The following SEMA4A variants were observed in gnomAD, a reference collection of about 807,000 sequenced individuals.
SEMA4A encodes semaphorin 4A, also known as semaphorin-4A.
In SEMA4A, 52 loss-of-function variants were observed where a neutral mutation model predicts 72.5. The ratio of observed to expected loss-of-function variants is 0.72; its 90% CI spans 0.57 to 0.90. The LOEUF (loss-of-function observed/expected upper bound fraction) is 0.90. SEMA4A is among the 40% of genes least tolerant of loss of function. SEMA4A has a pLI of 0.00. For missense variants in SEMA4A, 926 were observed against 959.7 expected, an observed-to-expected ratio of 0.96 and a Z score of 0.46; for synonymous variants, 369 against 393.1, an observed-to-expected ratio of 0.94 and a Z score of 0.73.
In SEMA4A at chr1:156,167,489, A is replaced by G. The variant is rs1233795846; in HGVS notation, c.1134+4395A>G. On this transcript the variant is annotated intron_variant, in intron 10 of 14. Transcript: ENST00000368285. ...AGACCCTGTCTCAAAAAAAAAAAAA[A>G]AAAAAAGAAAGAAAAGAAAAGAAAA... 2.0e-5 allele frequency among the ~76,000 whole-genome samples: 3 copies of G among 151,760 alleles called. No individual in the cohort carries two copies. In the East Asian group the frequency reaches 5.8e-4, roughly 29 times the overall value.
rs34840198 is a variant in SEMA4A at position 156,159,031 on chromosome 1, C to CAAAAAAAAAAAAAAAA, written c.568+209_568+224dup. On this transcript the variant is annotated intron_variant, in intron 6 of 14. Transcript: ENST00000368285. ...CCTGGGCAACACAGCGAGATCGTCTCAAAAAAAAAAAAAAAAAGCCTCAGT... is the reference window on the plus strand; with the variant it reads ...CCTGGGCAACACAGCGAGATCGTCTCAAAAAAAAAAAAAAAAAAAAAAAAAAAAAAAAAGCCTCAGT... The CAAAAAAAAAAAAAAAA allele has an allele frequency of 7.5e-6, 2 of 267,524 alleles. 1 individual carries two copies. The highest frequency in any genetic ancestry group is 6.8e-5 in the African/African-American group (2 of 29,356). 16.6% of individuals were successfully genotyped at this position (267,524 alleles called of 1,614,324 possible). A position where few individuals can be genotyped will look rare whatever the true frequency, so the allele number is the denominator to read the frequency against.
In SEMA4A at chr1:156,176,384, GC is replaced by G. The variant is rs1558165107; in HGVS notation, c.1694-20del. On this transcript the variant is annotated intron_variant, in intron 14 of 14. Transcript: ENST00000368285. ...CCTTCACTTCTCCCTTAACCCTTTT[GC>G]TCCTTTCTTTCTCCTACAGTTAAAG... The G allele has an allele frequency of 6.4e-7, 1 of 1,561,954 alleles. No individual in the cohort carries two copies. The highest frequency in any genetic ancestry group is 8.8e-7 in the Non-Finnish European group (1 of 1,133,554).
Position 156,156,481 on chromosome 1 carries a change from G to T in SEMA4A, c.207G>T (p.Leu69=). Reference sequence around the variant, plus strand: ...TCCAGGATTTTGACACTCTGCTCCTGAGTGGTGATGGAAATACTCTCTACG... The same window carrying T: ...TCCAGGATTTTGACACTCTGCTCCTTAGTGGTGATGGAAATACTCTCTACG... ...KGLQDFDTLL[L]SGDGNTLYVG... The change falls in exon 3 of 15, where the codon CTG becomes CTT. Residue 69 remains leucine, a synonymous_variant. Transcript: ENST00000368285. 1 of 1,614,146 alleles carries T rather than the reference G, an allele frequency of 6.2e-7. No homozygotes were observed. Among genetic ancestry groups the T allele is most frequent in the Non-Finnish European group, 8.5e-7 (1 of 1,180,014 alleles).
upstream of SEMA4A, among the ~76,000 whole-genome samples, chr1:156,152,336 A>T (rs1405996798): frequency 6.6e-6 from 1 of 152,196 alleles, no homozygotes; most frequent in East Asian, 1.9e-4. Context: ...GGAATAGGAC[A>T]TCAGGCTGGG....
In SEMA4A at chr1:156,161,037, G is replaced by A. The variant is rs1653564681; in HGVS notation, c.810+8G>A. The A allele has an allele frequency of 8.5e-6, 12 of 1,414,688 alleles. No homozygotes were observed. The highest frequency in any genetic ancestry group is 1.2e-5 in the Non-Finnish European group (12 of 1,021,920). 87.6% of individuals were successfully genotyped at this position (1,414,688 alleles called of 1,614,324 possible). A position where few individuals can be genotyped will look rare whatever the true frequency, so the allele number is the denominator to read the frequency against. ...GTGGCTAGAGTCTGCAAGGTCCGCGGCCTGGGCGGGGGGCGGGGCTAACTG... is the reference window on the plus strand; with the variant it reads ...GTGGCTAGAGTCTGCAAGGTCCGCGACCTGGGCGGGGGGCGGGGCTAACTG... On this transcript the variant is annotated splice_region_variant and intron_variant, in intron 8 of 14. Transcript: ENST00000368285.
rs756847201 is a variant in SEMA4A, at chr1:156,176,683, C to T, written c.1972C>T (p.Arg658Trp). 1.1e-5 allele frequency: 18 copies of T among 1,614,036 alleles called. No individual in the cohort carries two copies. Among genetic ancestry groups the T allele is most frequent in the African/African-American group, 1.1e-4 (8 of 74,932 alleles). ...ALDPELAGIP[R>W]EHVKVPLTRV... ...GGATCCTGAACTGGCAGGCATCCCC[C>T]GGGAGCATGTGAAGGTCCCGTTGAC... The change falls in exon 15 of 15, where the codon CGG becomes TGG. Residue 658 changes from arginine (R) to tryptophan (W), a missense_variant. By Grantham distance (101) the Arg-to-Trp change is moderately radical (BLOSUM62 -3). Transcript: ENST00000368285.
chr1:156,160,404 C>T (rs1418100115), intron 6 of SEMA4A, 39 bp from the exon 7 acceptor site: 1 of 1,494,506 alleles, frequency 6.7e-7, no homozygotes, highest in South Asian at 1.1e-5. Context: ...AGGAACCCTC[C>T]ACCCCATCAG....
rs1653553978 is a variant in SEMA4A, at chr1:156,160,985, T to C, written c.766T>C (p.Phe256Leu). The change falls in exon 8 of 15, where the codon TTC (phenylalanine) becomes CTC (leucine). Residue 256 changes from phenylalanine (F) to leucine (L), a missense_variant. Phe to Leu is a conservative substitution (Grantham distance 22). Transcript: ENST00000368285. ...CGAGGAGACAGCCAGCGAGTTTGAC[T>C]TCTTTGAGAGGCTCCACACATCGCG... ...FFEETASEFD[F>L]FERLHTSRVA... The C allele has an allele frequency of 1.3e-6, 2 of 1,599,640 alleles. No individual in the cohort carries two copies. Among genetic ancestry groups the C allele is most frequent in the Middle Eastern group, 1.7e-4 (1 of 6,014 alleles).
chr1:156,160,199 A>C (rs1242188807), intron 6 of SEMA4A, among the ~76,000 whole-genome samples: 4 of 152,134 alleles, frequency 2.6e-5, no homozygotes, highest in Admixed American at 1.3e-4. Context: ...AGCCACAGAA[A>C]GGCTGGAAAA....
chr1:156,158,687 G>C (rs375640077), intron 5 of SEMA4A, 32 bp from the exon 6 acceptor site: 1 of 1,554,458 alleles, frequency 6.4e-7, no homozygotes, highest in African/African-American at 1.4e-5. Flanking sequence ...AGACCTTGGC[G>C]TTCTGGCCCC....
Position 156,176,755 on chromosome 1 carries a change from C to T in SEMA4A, c.2044C>T (p.Pro682Ser), listed in dbSNP as rs76381440. Residue 682 changes from proline to serine, a missense_variant, in exon 15 of 15, where the codon CCC becomes TCC. Pro to Ser is a moderately conservative substitution (Grantham distance 74, BLOSUM62 -1). Coordinates refer to ENST00000368285, the MANE Select transcript of SEMA4A (RefSeq NM_022367.4). ...CCTGGCTGCCCAGCAGTCCTACTGG[C>T]CCCACTTTGTCACTGTCACTGTCCT... Reference protein sequence around the residue: ...AALAAQQSYWPHFVTVTVLFA... With the variant: ...AALAAQQSYWSHFVTVTVLFA... 25,916 of 1,612,332 alleles carry T rather than the reference C, an allele frequency of 0.016. 283 individuals carry two copies. The highest frequency in any genetic ancestry group is 0.02 in the Non-Finnish European group (23,283 of 1,178,540).
intron 3 of SEMA4A, 45 bp from the exon 4 acceptor site, chr1:156,158,025 G>T: frequency 6.2e-7 from 1 of 1,601,006 alleles, no homozygotes; most frequent in Non-Finnish European, 8.6e-7. Context: ...TAGAACTGAG[G>T]ACCTTATTTC....
At chr1:156,172,147 T>TG in intron 10 of SEMA4A, among the ~76,000 whole-genome samples, 1 of 151,496 alleles carries the variant, frequency 6.6e-6, no homozygotes, top group Non-Finnish European at 1.5e-5. Flanking sequence ...AGACGGAGTC[T>TG]CTCTCTGTCG....
At chr1:156,159,919 G>GAAA (rs34564497) in intron 6 of SEMA4A, among the ~76,000 whole-genome samples, 2 of 102,386 alleles carry the variant, frequency 2.0e-5, no homozygotes, top group Non-Finnish European at 2.0e-5. Flanking sequence ...ACCCTGTCTT[G>GAAA]AAAAAAAAAA....
intron 11 of SEMA4A, among the ~76,000 whole-genome samples, chr1:156,174,351 C>T (rs572736350): frequency 2.5e-4 from 38 of 152,268 alleles, no homozygotes; most frequent in African/African-American, 9.1e-4. Context: ...TGGAGACAGA[C>T]AATAGCATCC....
At chr1:156,158,971 T>G in intron 6 of SEMA4A, 147 bp downstream of exon 6, 1 of 731,274 alleles carries the variant, frequency 1.4e-6, no homozygotes, top group Non-Finnish European at 2.4e-6. Context: ...GAAGCTGAAG[T>G]TGAAGGATGC....
upstream of SEMA4A, among the ~76,000 whole-genome samples, chr1:156,153,029 C>T (rs1243126107): frequency 2.0e-5 from 3 of 152,046 alleles, no homozygotes; most frequent in East Asian, 1.9e-4. Flanking sequence ...CCAGTGAGCA[C>T]GAGTTCAGAT....
chr1:156,164,413 G>C (rs1321359714), intron 10 of SEMA4A, among the ~76,000 whole-genome samples: 1 of 152,178 alleles, frequency 6.6e-6, no homozygotes, highest in Non-Finnish European at 1.5e-5. Context: ...TGGTGTGCTA[G>C]AGCTGACTTG....
At chr1:156,168,114 G>A (rs1654351785) in intron 10 of SEMA4A, among the ~76,000 whole-genome samples, 1 of 152,004 alleles carries the variant, frequency 6.6e-6, no homozygotes, top group African/African-American at 2.4e-5. Flanking sequence ...AGTAGAGATG[G>A]GATTTCACCA....
Sources: allele counts gnomAD v4.1 joint callset (sites outside exome capture counted in the v4.1 genomes callset), GRCh38; gene constraint gnomAD v4.1.1; transcripts MANE v1.5; gene names NCBI Gene and HGNC (gene_info 2026-07-23, HGNC 2026-07-21).